The following TTLL11 variants were observed in gnomAD, a reference collection of about 807,000 sequenced individuals.
The protein encoded by TTLL11 is tubulin polyglutamylase TTLL11.
TTLL11 carries 42 observed loss-of-function variants against 51.7 expected under a neutral mutation model. That is an observed-to-expected ratio of 0.81 (90% confidence interval 0.64 to 1.05). The LOEUF (loss-of-function observed/expected upper bound fraction) is 1.05. Among genes scored for constraint, TTLL11 ranks in the 50% least tolerant of loss-of-function variants. The probability of loss-of-function intolerance (pLI) is 0.00; values close to 1 mark genes in which losing one functional copy is unlikely to be tolerated. For missense variants in TTLL11, 799 were observed against 940.4 expected (o/e 0.85, Z 1.97); for synonymous variants, 381 against 383.5 (o/e 0.99, Z 0.08).
chr9:122,043,130 AAC>A (rs1334103340), intron 1 of TTLL11, among the ~76,000 whole-genome samples: 1 of 152,192 alleles, frequency 6.6e-6, no homozygotes, highest in Non-Finnish European at 1.5e-5. Flanking sequence ...AGTTGTAAAA[AAC>A]ACACCACTCT....
chr9:122,067,982 C>T (rs1184620240), intron 1 of TTLL11, among the ~76,000 whole-genome samples: 2 of 152,148 alleles, frequency 1.3e-5, no homozygotes, highest in African/African-American at 2.4e-5. Flanking sequence ...TTTTATCCTA[C>T]GATATTCTTA....
rs541033556 is a variant in TTLL11 at position 122,063,045 on chromosome 9, T to C, written c.463-23677A>G. On this transcript the variant is annotated intron_variant, in intron 1 of 8. Transcript: ENST00000321582. Reference sequence around the variant, plus strand: ...ATCCTCCCACCTTGACCTCCCAAATTGCTGGGATTACAAGCTTGGGCCACC... The same window carrying C: ...ATCCTCCCACCTTGACCTCCCAAATCGCTGGGATTACAAGCTTGGGCCACC... 2.0e-5 allele frequency among the ~76,000 whole-genome samples: 3 copies of C among 152,304 alleles called. No homozygotes were observed. The East Asian group carries it at 5.8e-4, about 29-fold the overall frequency.
At chr9:121,896,424 G>A (rs1219512460) in intron 6 of TTLL11, among the ~76,000 whole-genome samples, 1 of 152,144 alleles carries the variant, frequency 6.6e-6, no homozygotes. Context: ...AGCCCCAGCT[G>A]CTGCCCTCAG....
intron 1 of TTLL11, among the ~76,000 whole-genome samples, chr9:122,065,529 T>G (rs992718720): frequency 6.6e-6 from 1 of 152,212 alleles, no homozygotes; most frequent in Non-Finnish European, 1.5e-5. Context: ...CATCACTAAT[T>G]AAGGACTTGA....
rs573246794 is a variant in TTLL11, at chr9:121,860,456, G to T, written c.1734-13C>A. On this transcript the variant is annotated splice_polypyrimidine_tract_variant and intron_variant, in intron 7 of 8. Transcript: ENST00000321582. ...GAGTTTGCAGCTCCTGCCAACAATG[G>T]GAAGTGACATGTCACTGCCAGCCTG... The T allele has an allele frequency of 1.3e-5, 20 of 1,548,766 alleles. No homozygotes were observed. In the African/African-American group the frequency reaches 2.6e-4, roughly 20 times the overall value.
intron 6 of TTLL11, among the ~76,000 whole-genome samples, chr9:121,895,543 C>T (rs895226559): frequency 4.1e-5 from 6 of 144,886 alleles, no homozygotes; most frequent in Admixed American, 2.1e-4. Context: ...CTGTGTGTTT[C>T]GTTGTACATA....
intron 7 of TTLL11, among the ~76,000 whole-genome samples, chr9:121,862,579 G>C (rs765084578): frequency 3.3e-5 from 5 of 152,188 alleles, no homozygotes; most frequent in Non-Finnish European, 7.3e-5. Flanking sequence ...ACACCAGTTG[G>C]AATATCTGTG....
chr9:122,039,215 T>A, intron 2 of TTLL11, 57 bp downstream of exon 2: 1 of 1,383,842 alleles, frequency 7.2e-7, no homozygotes, highest in Non-Finnish European at 1.0e-6. Flanking sequence ...AGTAGAAGAG[T>A]GTATCTGAGA....
At chr9:122,023,463 G>A (rs1844233537) in intron 3 of TTLL11, among the ~76,000 whole-genome samples, 1 of 151,812 alleles carries the variant, frequency 6.6e-6, no homozygotes, top group South Asian at 2.1e-4. Context: ...GCATTATCCT[G>A]ATAACGAACC....
chr9:122,017,609 C>T (rs1283286613), intron 3 of TTLL11, among the ~76,000 whole-genome samples: 3 of 151,790 alleles, frequency 2.0e-5, no homozygotes, highest in Non-Finnish European at 2.9e-5. Context: ...ATTACAGGCA[C>T]CCACCACCAT....
intron 8 of TTLL11, among the ~76,000 whole-genome samples, chr9:121,826,527 A>ATT (rs1478793632): frequency 2.1e-5 from 1 of 47,822 alleles, no homozygotes; most frequent in African/African-American, 8.3e-5. Flanking sequence ...ATATATATAT[A>ATT]TGTGTGTGTG....
intron 1 of TTLL11, among the ~76,000 whole-genome samples, chr9:122,060,364 T>C (rs993741614): frequency 6.6e-6 from 1 of 152,218 alleles, no homozygotes; most frequent in Non-Finnish European, 1.5e-5. Flanking sequence ...AGCCTTACCA[T>C]CCAGAAATCC....
At chr9:122,085,115 C>T (rs144015569) in intron 1 of TTLL11, among the ~76,000 whole-genome samples, 6,503 of 152,154 alleles carry the variant, frequency 0.043, 170 homozygotes, top group South Asian at 0.057. Context: ...CAAAAATTAG[C>T]TGGGCATGGT....
intron 8 of TTLL11, among the ~76,000 whole-genome samples, chr9:121,823,481 G>A (rs766181242): frequency 1.3e-5 from 2 of 152,222 alleles, no homozygotes; most frequent in African/African-American, 4.8e-5. Context: ...GGGAGGCAGA[G>A]GTTGCAGTGA....
intron 6 of TTLL11, among the ~76,000 whole-genome samples, chr9:121,938,456 C>T (rs1841314432): frequency 6.6e-6 from 1 of 152,098 alleles, no homozygotes; most frequent in Non-Finnish European, 1.5e-5. Flanking sequence ...AAATTCAAAA[C>T]TTCTATTTAT....
chr9:122,028,828 T>C (rs1844432229), intron 3 of TTLL11, among the ~76,000 whole-genome samples: 2 of 152,210 alleles, frequency 1.3e-5, no homozygotes, highest in Non-Finnish European at 1.5e-5. Flanking sequence ...ATATACTCTC[T>C]GATGTCAACA....
At chr9:122,092,629 C>G (rs1846293121) in intron 1 of TTLL11, 58 bp downstream of exon 1, 1 of 1,533,024 alleles carries the variant, frequency 6.5e-7, no homozygotes, top group Non-Finnish European at 8.7e-7. Context: ...GCCGAGACCT[C>G]TGAGGTCGTC....
intron 1 of TTLL11, among the ~76,000 whole-genome samples, chr9:122,061,843 G>A (rs1845441762): frequency 1.3e-5 from 2 of 152,048 alleles, no homozygotes; most frequent in Non-Finnish European, 2.9e-5. Context: ...TCACCACATT[G>A]GCCAGGCTGG....
chr9:121,827,040 G>A (rs1039018197), intron 8 of TTLL11, among the ~76,000 whole-genome samples: 10 of 152,168 alleles, frequency 6.6e-5, no homozygotes, highest in African/African-American at 2.2e-4. Context: ...TGCAGGTGCT[G>A]GGCAAGGCCC....
Sources: allele counts gnomAD v4.1 joint callset (sites outside exome capture counted in the v4.1 genomes callset), GRCh38; gene constraint gnomAD v4.1.1; transcripts MANE v1.5; gene names NCBI Gene and HGNC (gene_info 2026-07-23, HGNC 2026-07-21).